Variants in STAU2 observed in about 807,000 individuals in gnomAD.
STAU2 encodes double-stranded RNA-binding protein Staufen homolog 2.
A neutral mutation model predicts 65.9 loss-of-function variants in STAU2; 20 were observed. The ratio of observed to expected loss-of-function variants is 0.30; its 90% CI spans 0.21 to 0.44. STAU2 has a LOEUF of 0.44. STAU2 is among the 20% of genes least tolerant of loss of function. STAU2 has a pLI of 1.00. For missense variants in STAU2, 558 were observed against 683.9 expected (o/e 0.82, Z 2.05); for synonymous variants, 232 against 233.9 (o/e 0.99, Z 0.07).
At chr8:73,591,785 A>T (rs1350193936) in intron 11 of STAU2, among the ~76,000 whole-genome samples, 1 of 151,488 alleles carries the variant, frequency 6.6e-6, no homozygotes. Flanking sequence ...AAGTAATCAT[A>T]ACAGATACAG....
At chr8:73,441,309 G>A (rs1376376188) in intron 13 of STAU2, 1 of 152,156 alleles carries the variant, frequency 6.6e-6, no homozygotes, top group Non-Finnish European at 1.5e-5. Flanking sequence ...GGAGGCTGAG[G>A]CAGGCAGATC....
At chr8:73,467,804 A>G (rs1819741555) in intron 13 of STAU2, among the ~76,000 whole-genome samples, 1 of 152,220 alleles carries the variant, frequency 6.6e-6, no homozygotes, top group Non-Finnish European at 1.5e-5. Flanking sequence ...GAAATAAAAG[A>G]GGATACAAAC....
intron 6 of STAU2, among the ~76,000 whole-genome samples, chr8:73,654,640 A>T (rs1586202139): frequency 7.5e-6 from 1 of 132,456 alleles, no homozygotes; most frequent in East Asian, 2.1e-4. Context: ...ATTGTCTCAA[A>T]AAAAAAAAAA....
chr8:73,489,782 T>C (rs758027637), intron 13 of STAU2, among the ~76,000 whole-genome samples: 2 of 152,062 alleles, frequency 1.3e-5, no homozygotes, highest in Non-Finnish European at 2.9e-5. Context: ...TCAGAGGACC[T>C]CAGTGAGGCT....
chr8:73,716,359 G>A (rs1435181700), intron 3 of STAU2, among the ~76,000 whole-genome samples: 1 of 152,178 alleles, frequency 6.6e-6, no homozygotes, highest in African/African-American at 2.4e-5. Context: ...CAAAGTGCTG[G>A]GATTACAGGC....
intron 6 of STAU2, among the ~76,000 whole-genome samples, chr8:73,635,952 C>CA (rs1586165974): frequency 0.1 from 8,391 of 80,110 alleles, 360 homozygotes; most frequent in South Asian, 0.16. Flanking sequence ...ACACACACAC[C>CA]CCTGGAACCA....
intron 4 of STAU2, among the ~76,000 whole-genome samples, chr8:73,689,160 A>G (rs1819151291): frequency 6.6e-6 from 1 of 152,250 alleles, no homozygotes; most frequent in South Asian, 2.1e-4. Flanking sequence ...AAACTGTAAG[A>G]GAAGCCAAAA....
intron 13 of STAU2, among the ~76,000 whole-genome samples, chr8:73,449,862 T>A (rs548832634): frequency 6.6e-6 from 1 of 152,298 alleles, no homozygotes; most frequent in Admixed American, 6.5e-5. Context: ...TACTCCTGCC[T>A]CTGGCAGGAG....
intron 12 of STAU2, among the ~76,000 whole-genome samples, chr8:73,577,687 T>C (rs1232246532): frequency 2.0e-5 from 3 of 152,140 alleles, no homozygotes; most frequent in African/African-American, 7.2e-5. Flanking sequence ...TGACAATAAG[T>C]CAGAGTCCCA....
At chr8:73,478,689 T>C (rs961089540) in intron 13 of STAU2, among the ~76,000 whole-genome samples, 10 of 152,178 alleles carry the variant, frequency 6.6e-5, no homozygotes, top group Admixed American at 2.0e-4. Flanking sequence ...CTCTAGTAAA[T>C]GTACAGAAAC....
intron 3 of STAU2, among the ~76,000 whole-genome samples, chr8:73,731,901 T>C (rs1806097676): frequency 6.6e-6 from 1 of 152,122 alleles, no homozygotes; most frequent in African/African-American, 2.4e-5. Context: ...ATCGTACCAC[T>C]GCACTCTAGC....
intron 3 of STAU2, among the ~76,000 whole-genome samples, chr8:73,712,876 A>C (rs779199944): frequency 1.8e-4 from 27 of 152,222 alleles, no homozygotes; most frequent in Non-Finnish European, 3.8e-4. Flanking sequence ...GGATTGCTTG[A>C]GCCCAGGAGT....
At chr8:73,535,201 A>G (rs1166775881) in intron 13 of STAU2, among the ~76,000 whole-genome samples, 2 of 151,746 alleles carry the variant, frequency 1.3e-5, no homozygotes, top group South Asian at 2.1e-4. Context: ...ACGGAGTCTC[A>G]CTCTGTCGCC....
chr8:73,501,162 C>A (rs1054349547), intron 13 of STAU2, among the ~76,000 whole-genome samples: 1 of 151,704 alleles, frequency 6.6e-6, no homozygotes, highest in Non-Finnish European at 1.5e-5. Context: ...GAAAATACTT[C>A]TTTTGTGCAA....
intron 3 of STAU2, among the ~76,000 whole-genome samples, chr8:73,726,831 GA>G (rs569819662): frequency 1.5e-3 from 228 of 152,172 alleles, no homozygotes; most frequent in Non-Finnish European, 2.7e-3. Context: ...TTTCTTTTCA[GA>G]AAATGTTTAA....
intron 13 of STAU2, among the ~76,000 whole-genome samples, chr8:73,532,496 T>C (rs1471731087): frequency 6.6e-6 from 1 of 152,024 alleles, no homozygotes; most frequent in African/African-American, 2.4e-5. Flanking sequence ...GAGACCAACC[T>C]GGGCAACACA....
chr8:73,445,832 G>A (rs768071785), intron 13 of STAU2, among the ~76,000 whole-genome samples: 52 of 152,312 alleles, frequency 3.4e-4, no homozygotes, highest in Non-Finnish European at 5.0e-4. Flanking sequence ...ACCACCATAC[G>A]CTAGAGAAGA....
At chr8:73,651,525 C>T (rs1586195316) in intron 6 of STAU2, 11 of 821,142 alleles carry the variant, frequency 1.3e-5, no homozygotes, top group South Asian at 1.1e-4. Context: ...TTCCACTCAC[C>T]GTCTTCTGGC....
chr8:73,644,430 G>C (rs1445915860), intron 6 of STAU2, among the ~76,000 whole-genome samples: 1 of 150,530 alleles, frequency 6.6e-6, no homozygotes, highest in Non-Finnish European at 1.5e-5. Context: ...AGGCAACAGA[G>C]TAAGATCCTG....
Sources: gnomAD v4.1 joint callset for allele counts (sites outside exome capture counted in the v4.1 genomes callset) on GRCh38, gnomAD v4.1.1 for gene constraint, MANE v1.5 for transcripts, NCBI Gene and HGNC (gene_info 2026-07-23, HGNC 2026-07-21) for gene names.